PHF21B: variants seen among roughly 807,000 people sequenced by gnomAD.
The protein encoded by PHF21B is PHD finger protein 4.
In PHF21B, 22 loss-of-function variants were observed where a neutral mutation model predicts 62.2. The ratio of observed to expected loss-of-function variants is 0.35; its 90% CI spans 0.25 to 0.51. The LOEUF is 0.51. Ranked by LOEUF, PHF21B falls within the 20% of genes least tolerant of loss-of-function variation. The pLI, the probability that PHF21B is intolerant of heterozygous loss-of-function variation, is 0.97. For missense variants in PHF21B, 701 were observed against 707.9 expected (o/e 0.99, Z 0.11); for synonymous variants, 341 against 314.7 (o/e 1.08, Z -0.88).
At chr22:44,981,690 G>A (rs1489986470) in intron 2 of PHF21B, among the ~76,000 whole-genome samples, 1 of 152,242 alleles carries the variant, frequency 6.6e-6, no homozygotes, top group African/African-American at 2.4e-5. Context: ...GAAAGGAGGG[G>A]AGGGAGGGGA....
chr22:44,963,767 A>G (rs1011199336), intron 2 of PHF21B, among the ~76,000 whole-genome samples: 1 of 152,188 alleles, frequency 6.6e-6, no homozygotes, highest in African/African-American at 2.4e-5. Context: ...AAGGACAAAC[A>G]CCACCAAAGT....
chr22:45,009,564 C>T lies in PHF21B; in HGVS notation c.-15G>A. The T allele has an allele frequency of 1.3e-6, 2 of 1,565,898 alleles. No individual in the cohort carries two copies. Among genetic ancestry groups the T allele is most frequent in the Non-Finnish European group, 1.7e-6 (2 of 1,166,260 alleles). Reference sequence around the variant, plus strand: ...TGCAGCTCCATCCCGGCAACTTGGGCAGCACTTTGCGCTCACTTTGGCCCG... The same window carrying T: ...TGCAGCTCCATCCCGGCAACTTGGGTAGCACTTTGCGCTCACTTTGGCCCG... On this transcript the variant is annotated 5_prime_UTR_variant, in exon 1 of 13. Coordinates refer to ENST00000313237, the MANE Select transcript of PHF21B (RefSeq NM_138415.5). The surrounding 1 kb of genome is among the most constrained non-coding windows in gnomAD (Gnocchi z 5.9).
chr22:45,000,064 C>A (rs1404351139), intron 2 of PHF21B, among the ~76,000 whole-genome samples: 1 of 152,132 alleles, frequency 6.6e-6, no homozygotes. Context: ...GGAACCAGAG[C>A]CTCCAAGGCG....
intron 2 of PHF21B, chr22:44,969,312 T>C (rs1220096476): frequency 6.6e-6 from 1 of 152,246 alleles, no homozygotes; most frequent in African/African-American, 2.4e-5. Context: ...GGAAAGGCGC[T>C]TGAGCTGTGG....
intron 4 of PHF21B, among the ~76,000 whole-genome samples, chr22:44,914,316 T>C (rs1329958438): frequency 1.3e-5 from 2 of 152,150 alleles, no homozygotes; most frequent in Non-Finnish European, 2.9e-5. Flanking sequence ...GAAGCTGGCC[T>C]GGTTTAGGAA....
At chr22:44,914,683 C>G (rs2071403868) in intron 4 of PHF21B, among the ~76,000 whole-genome samples, 1 of 152,176 alleles carries the variant, frequency 6.6e-6, no homozygotes, top group African/African-American at 2.4e-5. Flanking sequence ...TTTTTCACTG[C>G]CATGAGGCCC....
At chr22:44,889,008 T>TA (rs943778347) in intron 9 of PHF21B, among the ~76,000 whole-genome samples, 2 of 152,158 alleles carry the variant, frequency 1.3e-5, no homozygotes, top group African/African-American at 4.8e-5. Context: ...TGTTTGCAGA[T>TA]AAACACTGCC....
Position 44,916,529 on chromosome 22 carries a change from G to A in PHF21B, c.315C>T (p.Ser105=), listed in dbSNP as rs116581756. 315 of 1,609,648 alleles carry A rather than the reference G, an allele frequency of 2.0e-4. No individual in the cohort carries two copies. The highest frequency in any genetic ancestry group is 2.6e-4 in the Non-Finnish European group (304 of 1,179,894). The part of the protein sequence containing the change: ...PPTFQKATVV[S]VKNPSPALPT... The stretch of plus-strand genomic sequence containing the variant: ...GGAGGGCTGGGCTGGGGTTCTTGAC[G>A]CTGACCACGGTGGCCTTCTGGAATG... The change falls in exon 4 of 13, where the codon AGC becomes AGT. Residue 105 remains serine, a synonymous_variant. Transcript: ENST00000313237.
chr22:44,983,242 A>AC (rs2072875615), intron 2 of PHF21B, among the ~76,000 whole-genome samples: 1 of 2,024 alleles, frequency 4.9e-4, no homozygotes, highest in South Asian at 9.4e-3. Context: ...TCAAAAAAAA[A>AC]AAAAAAAAAA....
At chr22:44,924,863 A>C (rs1424016415) in intron 2 of PHF21B, among the ~76,000 whole-genome samples, 5 of 152,244 alleles carry the variant, frequency 3.3e-5, no homozygotes, top group Non-Finnish European at 7.3e-5. Context: ...GTGAATGTTC[A>C]CAGCAGCTCT....
At chr22:44,976,119 C>A (rs1250791671) in intron 2 of PHF21B, among the ~76,000 whole-genome samples, 1 of 152,168 alleles carries the variant, frequency 6.6e-6, no homozygotes, top group Non-Finnish European at 1.5e-5. Flanking sequence ...TGCAGTGGGT[C>A]ATGATTGCGC....
intron 3 of PHF21B, among the ~76,000 whole-genome samples, chr22:44,920,143 C>T (rs2071508511): frequency 6.6e-6 from 1 of 152,232 alleles, no homozygotes; most frequent in African/African-American, 2.4e-5. Flanking sequence ...AGTCTGGCCT[C>T]ATTTATTCCA....
intron 2 of PHF21B, among the ~76,000 whole-genome samples, chr22:44,962,267 A>G (rs924290739): frequency 2.6e-5 from 4 of 152,230 alleles, no homozygotes; most frequent in African/African-American, 9.6e-5. Context: ...GCAGCCTCAC[A>G]TAACTTTTTA....
intron 2 of PHF21B, among the ~76,000 whole-genome samples, chr22:44,942,457 A>G (rs1180367674): frequency 6.6e-6 from 1 of 152,116 alleles, no homozygotes; most frequent in East Asian, 1.9e-4. Context: ...TCATCCCCCC[A>G]GCTCTGTGGA....
chr22:44,967,688 T>C (rs111694240), intron 2 of PHF21B, among the ~76,000 whole-genome samples: 4 of 152,336 alleles, frequency 2.6e-5, no homozygotes, highest in African/African-American at 9.6e-5. Context: ...ACCAATGTCA[T>C]GCACACAGTT....
intron 2 of PHF21B, among the ~76,000 whole-genome samples, chr22:44,939,017 A>G (rs965518496): frequency 6.6e-6 from 1 of 152,236 alleles, no homozygotes; most frequent in Non-Finnish European, 1.5e-5. Context: ...TGGGCTGCAC[A>G]CACACGGCGC....
intron 2 of PHF21B, among the ~76,000 whole-genome samples, chr22:44,992,228 T>G (rs2073052767): frequency 1.3e-5 from 2 of 152,252 alleles, no homozygotes; most frequent in African/African-American, 4.8e-5. Context: ...GGGAGGACCC[T>G]TGGAGTGTTT....
intron 12 of PHF21B, 119 bp downstream of exon 12, chr22:44,885,307 G>C: frequency 1.1e-6 from 1 of 916,882 alleles, no homozygotes; most frequent in African/African-American, 1.8e-5. Flanking sequence ...GCTCCTTCCT[G>C]CACTGCTGAG....
chr22:44,886,696 A>G (rs2070865173), intron 10 of PHF21B, among the ~76,000 whole-genome samples: 1 of 152,046 alleles, frequency 6.6e-6, no homozygotes, highest in Non-Finnish European at 1.5e-5. Context: ...ACCAAAAAAA[A>G]AAAAGGATGT....
Sources: gnomAD v4.1 joint callset for allele counts (sites outside exome capture counted in the v4.1 genomes callset) on GRCh38, gnomAD v4.1.1 for gene constraint, Gnocchi (gnomAD v3.1) non-coding constraint, MANE v1.5 for transcripts, NCBI Gene and HGNC (gene_info 2026-07-23, HGNC 2026-07-21) for gene names.